Variants in PRR16 observed in about 807,000 individuals in gnomAD.
PRR16 encodes protein Largen.
PRR16 carries 6 observed loss-of-function variants against 18.2 expected under a neutral mutation model. The observed-to-expected ratio is 0.33, with a 90% CI of 0.18 to 0.65. The LOEUF is 0.65. Among genes scored for constraint, PRR16 ranks in the 30% least tolerant of loss-of-function variants. The pLI is 0.74. For synonymous variants in PRR16, 151 were observed against 147.8 expected (o/e 1.02, Z -0.16); for missense variants, 412 against 376.6 (o/e 1.09, Z -0.78).
chr5:120,502,029 CT>C (rs1313452358), intron 1 of PRR16, among the ~76,000 whole-genome samples: 1 of 145,904 alleles, frequency 6.9e-6, no homozygotes, highest in Non-Finnish European at 1.5e-5. Context: ...AGAAGGGGGA[CT>C]CAAGTACTCC....
At chr5:120,790,293 T>A in the PRR16 span, 1 of 152,176 alleles carries the variant, frequency 6.6e-6, no homozygotes, top group Non-Finnish European at 1.5e-5. Flanking sequence ...AACCAACTCA[T>A]CTTGTTTCAC....
At chr5:120,699,784 C>T in the PRR16 span, among the ~76,000 whole-genome samples, 1 of 152,102 alleles carries the variant, frequency 6.6e-6, no homozygotes, top group Non-Finnish European at 1.5e-5. Flanking sequence ...CTAACCATGC[C>T]TAGGAAGGAA....
At chr5:120,782,681 T>A in the PRR16 span, among the ~76,000 whole-genome samples, 1 of 152,106 alleles carries the variant, frequency 6.6e-6, no homozygotes, top group Non-Finnish European at 1.5e-5. Context: ...AAGTGGTACA[T>A]CTAGAGAGAC....
chr5:120,599,332 C>A (rs9327154), intron 1 of PRR16, among the ~76,000 whole-genome samples: 134,003 of 151,830 alleles, frequency 0.88, 59,443 homozygotes, highest in African/African-American at 0.96. Context: ...TTCTCCCTAA[C>A]GAAAAAATTT....
At chr5:120,748,392 A>T in the PRR16 span, among the ~76,000 whole-genome samples, 758 of 152,170 alleles carry the variant, frequency 5.0e-3, 4 homozygotes, top group African/African-American at 0.017. Flanking sequence ...ATTTTTTTGC[A>T]TGTATAACTT....
intron 1 of PRR16, among the ~76,000 whole-genome samples, chr5:120,512,559 C>A (rs1561524661): frequency 6.6e-6 from 1 of 152,090 alleles, no homozygotes; most frequent in African/African-American, 2.4e-5. Flanking sequence ...AGACTAGAAT[C>A]ATATGTTTTC....
At chr5:120,761,223 ATTTC>A in the PRR16 span, among the ~76,000 whole-genome samples, 2 of 151,890 alleles carry the variant, frequency 1.3e-5, no homozygotes, top group African/African-American at 4.8e-5. Flanking sequence ...TATCTTCTGT[ATTTC>A]TTCTAGTTTA....
At chr5:120,713,383 G>T in the PRR16 span, among the ~76,000 whole-genome samples, 103 of 151,838 alleles carry the variant, frequency 6.8e-4, 1 homozygote, top group South Asian at 0.021. Flanking sequence ...AGAACATCCT[G>T]ACTAATCCAG....
chr5:120,697,082 GA>G, the PRR16 span, among the ~76,000 whole-genome samples: 1 of 152,230 alleles, frequency 6.6e-6, no homozygotes, highest in African/African-American at 2.4e-5. Context: ...AGTTTGAAAG[GA>G]AAACAAATTT....
chr5:120,574,240 C>T (rs1753003521), intron 1 of PRR16, among the ~76,000 whole-genome samples: 1 of 151,926 alleles, frequency 6.6e-6, no homozygotes, highest in Non-Finnish European at 1.5e-5. Flanking sequence ...ATAATAATTG[C>T]AACAAGTCAA....
chr5:120,642,119 T>C (rs1374418497), intron 1 of PRR16, among the ~76,000 whole-genome samples: 1 of 152,136 alleles, frequency 6.6e-6, no homozygotes, highest in Non-Finnish European at 1.5e-5. Context: ...TCTTTTAGGC[T>C]GTCACCATTT....
chr5:120,578,996 G>A (rs1375511880), intron 1 of PRR16, among the ~76,000 whole-genome samples: 1 of 152,136 alleles, frequency 6.6e-6, no homozygotes, highest in Non-Finnish European at 1.5e-5. Context: ...GTTCTCTGAT[G>A]ATCATTGATG....
chr5:120,733,792 A>C, the PRR16 span, among the ~76,000 whole-genome samples: 7 of 152,170 alleles, frequency 4.6e-5, no homozygotes, highest in African/African-American at 1.7e-4. Flanking sequence ...ATTTTTTATC[A>C]ATTGTTTTCT....
chr5:120,530,283 ATTTATT>A (rs1359600876), intron 1 of PRR16, among the ~76,000 whole-genome samples: 69 of 88,274 alleles, frequency 7.8e-4, no homozygotes, highest in African/African-American at 1.8e-3. Flanking sequence ...ATATATATAT[ATTTATT>A]TATTTATTTA....
Position 120,537,776 on chromosome 5 carries a change from T to A in PRR16, c.159+73131T>A, listed in dbSNP as rs905156289. 8.0e-3 allele frequency among the ~76,000 whole-genome samples: 1,141 copies of A among 142,178 alleles called. 21 individuals carry two copies. Among genetic ancestry groups the A allele is most frequent in the African/African-American group, 0.027 (1,036 of 38,300 alleles). The allele number at this position is 142,178 out of a possible 152,430, so 93.3% of individuals were successfully genotyped here. On this transcript the variant is annotated intron_variant, in intron 1 of 1. Coordinates refer to ENST00000407149, the MANE Select transcript of PRR16 (RefSeq NM_001300783.2). ...TAACTTGGAATTTTTAATGTTTTTTTTTTTTTTTTTTTTTTTTTGAGACGG... is the reference window on the plus strand; with the variant it reads ...TAACTTGGAATTTTTAATGTTTTTTATTTTTTTTTTTTTTTTTTGAGACGG...
chr5:120,758,387 A>G, the PRR16 span, among the ~76,000 whole-genome samples: 1 of 152,120 alleles, frequency 6.6e-6, no homozygotes, highest in African/African-American at 2.4e-5. Context: ...CAGCTTTTAT[A>G]TATGATCTCT....
chr5:120,476,260 G>T (rs941681564), intron 1 of PRR16, among the ~76,000 whole-genome samples: 11 of 152,098 alleles, frequency 7.2e-5, no homozygotes, highest in Non-Finnish European at 1.3e-4. Flanking sequence ...GACATCCAGT[G>T]GTCCCGTCTT....
the PRR16 span, among the ~76,000 whole-genome samples, chr5:120,737,221 C>T: frequency 1.3e-5 from 2 of 149,408 alleles, no homozygotes; most frequent in Non-Finnish European, 1.5e-5. Flanking sequence ...TTCAGTCTTT[C>T]GCCATTGAGT....
chr5:120,520,699 A>T (rs1282106636), intron 1 of PRR16, among the ~76,000 whole-genome samples: 1 of 152,162 alleles, frequency 6.6e-6, no homozygotes, highest in African/African-American at 2.4e-5. Flanking sequence ...ATCTTACGTG[A>T]GTTGTCACAT....
Sources: gnomAD v4.1 joint callset for allele counts (sites outside exome capture counted in the v4.1 genomes callset) on GRCh38, gnomAD v4.1.1 for gene constraint, MANE v1.5 for transcripts, NCBI Gene and HGNC (gene_info 2026-07-23, HGNC 2026-07-21) for gene names.